PTPRG: variants seen among roughly 807,000 people sequenced by gnomAD.
PTPRG encodes receptor-type tyrosine-protein phosphatase gamma.
In PTPRG, 102 loss-of-function variants were observed where a neutral mutation model predicts 165.3. The ratio of observed to expected loss-of-function variants is 0.62; its 90% CI spans 0.53 to 0.73. The LOEUF is 0.73. PTPRG is among the 30% of genes least tolerant of loss of function. The pLI is 0.00. For missense variants in PTPRG, 1,866 were observed against 1,861.4 expected (o/e 1.00, Z -0.05); for synonymous variants, 675 against 669.5 (o/e 1.01, Z -0.13).
intron 6 of PTPRG, among the ~76,000 whole-genome samples, chr3:62,141,246 A>G (rs1337951443): frequency 6.6e-6 from 1 of 152,178 alleles, no homozygotes; most frequent in Non-Finnish European, 1.5e-5. Flanking sequence ...GGCAGTATCT[A>G]GTAAAATGAA....
intron 14 of PTPRG, among the ~76,000 whole-genome samples, chr3:62,232,947 C>A (rs1260824408): frequency 6.6e-6 from 1 of 152,138 alleles, no homozygotes; most frequent in Non-Finnish European, 1.5e-5. Flanking sequence ...CCTGGCCCTG[C>A]GACTAGGAAG....
At chr3:61,864,646 C>A (rs1035945620) in intron 2 of PTPRG, among the ~76,000 whole-genome samples, 3 of 152,160 alleles carry the variant, frequency 2.0e-5, no homozygotes, top group African/African-American at 7.2e-5. Context: ...AGCTATAATT[C>A]TCTGGCTGCT....
At chr3:61,563,275 A>C (rs1245433665) in intron 1 of PTPRG, among the ~76,000 whole-genome samples, 1 of 152,038 alleles carries the variant, frequency 6.6e-6, no homozygotes, top group Non-Finnish European at 1.5e-5. Context: ...TGGCAGACCC[A>C]GTCTCGCTCC....
Position 62,255,121 on chromosome 3 carries a change from C to T in PTPRG, c.2468-3C>T, listed in dbSNP as rs150119628. ...ACTTTGAATATTATTTTATTCCCCC[C>T]AGATGACATGGAAGCCATTCCTGTC... On this transcript the variant is annotated splice_region_variant and splice_polypyrimidine_tract_variant and intron_variant, in intron 15 of 29. Coordinates refer to ENST00000474889, the MANE Select transcript of PTPRG (RefSeq NM_002841.4). This position sits in a 1 kb window ranked among gnomAD's most constrained non-coding sequence, Gnocchi z 4.0. The T allele has an allele frequency of 1.4e-5, 23 of 1,609,832 alleles. No individual in the cohort carries two copies. The African/African-American group carries it at 2.8e-4, about 20-fold the overall frequency.
At chr3:61,630,449 A>C (rs898003880) in intron 1 of PTPRG, among the ~76,000 whole-genome samples, 6 of 152,218 alleles carry the variant, frequency 3.9e-5, no homozygotes, top group Non-Finnish European at 8.8e-5. Flanking sequence ...TTAATACTTT[A>C]GTATTGTGTG....
At chr3:61,915,441 G>A (rs1379640150) in intron 2 of PTPRG, among the ~76,000 whole-genome samples, 1 of 152,152 alleles carries the variant, frequency 6.6e-6, no homozygotes, top group African/African-American at 2.4e-5. Flanking sequence ...GCAGTGGAGG[G>A]GTAGTTGAGC....
intron 2 of PTPRG, among the ~76,000 whole-genome samples, chr3:61,927,416 G>A (rs2039246924): frequency 6.6e-6 from 1 of 152,158 alleles, no homozygotes; most frequent in African/African-American, 2.4e-5. Flanking sequence ...TGAGTTAACT[G>A]TGGAGAGAGG....
chr3:61,798,403 C>T (rs1004898826), intron 2 of PTPRG, among the ~76,000 whole-genome samples: 1 of 152,108 alleles, frequency 6.6e-6, no homozygotes, highest in African/African-American at 2.4e-5. Flanking sequence ...TTAAGAAGGG[C>T]TTTTAGGGTA....
intron 1 of PTPRG, among the ~76,000 whole-genome samples, chr3:61,738,294 A>G (rs371492247): frequency 0.099 from 8,421 of 85,110 alleles, 1,398 homozygotes; most frequent in African/African-American, 0.26. Flanking sequence ...ATATATATAT[A>G]TATATATATA....
intron 2 of PTPRG, among the ~76,000 whole-genome samples, chr3:61,882,680 G>A (rs1458504133): frequency 3.3e-5 from 5 of 151,998 alleles, no homozygotes; most frequent in African/African-American, 9.7e-5. Flanking sequence ...CAGAGTATTC[G>A]TCTCTGGATT....
At chr3:62,138,579 C>T (rs925280983) in intron 6 of PTPRG, among the ~76,000 whole-genome samples, 7 of 152,084 alleles carry the variant, frequency 4.6e-5, no homozygotes, top group African/African-American at 1.7e-4. Context: ...ATTAGCCAGA[C>T]ATGGTGGCAC....
At chr3:61,735,531 T>G (rs1322404986) in intron 1 of PTPRG, among the ~76,000 whole-genome samples, 1 of 10,532 alleles carries the variant, frequency 9.5e-5, no homozygotes, top group Non-Finnish European at 2.6e-4. Flanking sequence ...TTCCTTGAGT[T>G]TTTTTTTTTT....
chr3:61,616,312 C>G (rs1358777860), intron 1 of PTPRG, among the ~76,000 whole-genome samples: 1 of 152,166 alleles, frequency 6.6e-6, no homozygotes, highest in Non-Finnish European at 1.5e-5. Context: ...CCCCCAGGCC[C>G]TTTTAGTGGA....
intron 1 of PTPRG, among the ~76,000 whole-genome samples, chr3:61,578,386 A>G (rs1485202094): frequency 6.6e-6 from 1 of 152,206 alleles, no homozygotes; most frequent in Non-Finnish European, 1.5e-5. Context: ...ATGAATAGCC[A>G]AGCTCATTTA....
At chr3:61,853,615 G>A (rs187016400) in intron 2 of PTPRG, among the ~76,000 whole-genome samples, 1 of 152,338 alleles carries the variant, frequency 6.6e-6, no homozygotes, top group East Asian at 1.9e-4. Context: ...GAACTGCACA[G>A]CTAAGCCATT....
chr3:62,274,114 C>CAT (rs944529393), intron 23 of PTPRG, among the ~76,000 whole-genome samples: 30 of 152,122 alleles, frequency 2.0e-4, no homozygotes, highest in Non-Finnish European at 3.8e-4. Context: ...GCCATAATGA[C>CAT]ATAGTACTTT....
chr3:61,700,888 G>A (rs907631187), intron 1 of PTPRG, among the ~76,000 whole-genome samples: 6 of 152,080 alleles, frequency 3.9e-5, no homozygotes, highest in African/African-American at 1.4e-4. Context: ...TACCCACTCT[G>A]ATAGAAACAA....
At chr3:61,631,659 A>C (rs1701778338) in intron 1 of PTPRG, among the ~76,000 whole-genome samples, 1 of 152,192 alleles carries the variant, frequency 6.6e-6, no homozygotes, top group Non-Finnish European at 1.5e-5. Flanking sequence ...ATAAAAATCC[A>C]TGTTGCCAAA....
chr3:62,076,603 C>CA (rs1461991111), intron 4 of PTPRG, among the ~76,000 whole-genome samples: 3 of 146,770 alleles, frequency 2.0e-5, no homozygotes, highest in Non-Finnish European at 3.0e-5. Flanking sequence ...TTTTTCGAGA[C>CA]AGAGTTTTGC....
Sources: allele counts gnomAD v4.1 joint callset (sites outside exome capture counted in the v4.1 genomes callset), GRCh38; gene constraint gnomAD v4.1.1; non-coding constraint Gnocchi (gnomAD v3.1); transcripts MANE v1.5; gene names NCBI Gene and HGNC (gene_info 2026-07-23, HGNC 2026-07-21).